LDLRAD4: variants seen among roughly 807,000 people sequenced by gnomAD.
The protein encoded by LDLRAD4 is low density lipoprotein receptor class A domain containing 4.
Under a neutral mutation model 17.0 loss-of-function variants are expected in LDLRAD4, and 5 were observed. The ratio of observed to expected loss-of-function variants is 0.29; its 90% CI spans 0.15 to 0.62. The LOEUF (loss-of-function observed/expected upper bound fraction) is 0.62, where lower values mean the gene tolerates loss of function less well. LDLRAD4 is among the 20% of genes least tolerant of loss of function. The pLI, the probability that LDLRAD4 is intolerant of heterozygous loss-of-function variation, is 0.84. For missense variants in LDLRAD4, 340 were observed against 424.7 expected, an observed-to-expected ratio of 0.80 and a Z score of 1.75; for synonymous variants, 168 against 171.8, an observed-to-expected ratio of 0.98 and a Z score of 0.17.
intron 1 of LDLRAD4, among the ~76,000 whole-genome samples, chr18:13,346,427 CTG>C (rs2082692136): frequency 6.6e-6 from 1 of 152,154 alleles, no homozygotes; most frequent in Non-Finnish European, 1.5e-5. Flanking sequence ...TTTGATTGCA[CTG>C]TGGTCTGAGA....
At chr18:13,445,490 TGTG>T (rs2091328315) in intron 3 of LDLRAD4, among the ~76,000 whole-genome samples, 1 of 151,970 alleles carries the variant, frequency 6.6e-6, no homozygotes, top group South Asian at 2.1e-4. Context: ...AGGGTGAGTC[TGTG>T]GTGCGTTTGT....
chr18:13,565,250 A>C (rs8096821), intron 3 of LDLRAD4, among the ~76,000 whole-genome samples: 4 of 152,038 alleles, frequency 2.6e-5, no homozygotes, highest in African/African-American at 9.7e-5. Context: ...AGGGTTGGCC[A>C]GGGGTGTCCA....
chr18:13,265,209 G>A (rs9955356), intron 1 of LDLRAD4, among the ~76,000 whole-genome samples: 1,983 of 152,192 alleles, frequency 0.013, 44 homozygotes, highest in African/African-American at 0.046. Flanking sequence ...AGCCTCTGCC[G>A]TCTCTCCCCT....
At chr18:13,254,237 A>G (rs2043382488) in intron 1 of LDLRAD4, among the ~76,000 whole-genome samples, 1 of 152,236 alleles carries the variant, frequency 6.6e-6, no homozygotes, top group Non-Finnish European at 1.5e-5. Context: ...CAGGGGAGGC[A>G]GGGAGCTTTT....
upstream of LDLRAD4, chr18:13,217,742 G>GAGGC (rs2041240180): frequency 6.6e-6 from 1 of 151,144 alleles, no homozygotes; most frequent in Non-Finnish European, 1.5e-5. This position sits in a 1 kb window ranked among gnomAD's most constrained non-coding sequence, Gnocchi z 4.9. Flanking sequence ...TCCCCGCGCT[G>GAGGC]AGGCTGCGGA....
intron 2 of LDLRAD4, among the ~76,000 whole-genome samples, chr18:13,412,345 AG>A (rs1338336757): frequency 3.3e-5 from 5 of 152,202 alleles, no homozygotes; most frequent in Non-Finnish European, 7.3e-5. Context: ...CAGCTCTTAA[AG>A]TATCCTTATC....
chr18:13,586,225 T>C (rs949531112), intron 3 of LDLRAD4, among the ~76,000 whole-genome samples: 2 of 151,786 alleles, frequency 1.3e-5, no homozygotes, highest in African/African-American at 4.8e-5. Context: ...CTGGCCAACA[T>C]GGCAAAACCC....
upstream of LDLRAD4, among the ~76,000 whole-genome samples, chr18:13,276,933 C>A (rs935141215): frequency 6.6e-6 from 1 of 152,074 alleles, no homozygotes; most frequent in Admixed American, 6.5e-5. Context: ...TGAGCGTTTG[C>A]GTCCTAGGAA....
At chr18:13,488,382 C>G (rs375232932) in intron 3 of LDLRAD4, 1 of 152,142 alleles carries the variant, frequency 6.6e-6, no homozygotes, top group African/African-American at 2.4e-5. Context: ...GATGAGGTGG[C>G]GGCATACAAG....
At chr18:13,251,390 GAGAA>G (rs1259031046) in intron 1 of LDLRAD4, among the ~76,000 whole-genome samples, 2 of 152,176 alleles carry the variant, frequency 1.3e-5, no homozygotes, top group Non-Finnish European at 2.9e-5. Flanking sequence ...AGTCAGGCAA[GAGAA>G]AGAAAGGACA....
At chr18:13,345,123 A>C (rs1476084979) in intron 1 of LDLRAD4, among the ~76,000 whole-genome samples, 2 of 152,114 alleles carry the variant, frequency 1.3e-5, no homozygotes, top group Non-Finnish European at 2.9e-5. Context: ...ACTATGTTGA[A>C]TAGGAGTGGT....
At chr18:13,477,307 G>A (rs534831623) in intron 3 of LDLRAD4, among the ~76,000 whole-genome samples, 2 of 152,298 alleles carry the variant, frequency 1.3e-5, no homozygotes, top group East Asian at 3.9e-4. Context: ...AGAAGAACAA[G>A]GAAGGAGGTC....
chr18:13,523,100 G>A (rs918615559), intron 3 of LDLRAD4, among the ~76,000 whole-genome samples: 19 of 152,144 alleles, frequency 1.2e-4, no homozygotes, highest in East Asian at 7.7e-4. Context: ...CACTGTGTGC[G>A]AGGCAGACTC....
At chr18:13,350,238 T>A (rs117189054) in intron 1 of LDLRAD4, among the ~76,000 whole-genome samples, 2,695 of 152,300 alleles carry the variant, frequency 0.018, 33 homozygotes, top group Non-Finnish European at 0.028. Context: ...CTAATTTACA[T>A]TTCTACCATC....
chr18:13,240,324 T>A (rs1480544818), intron 1 of LDLRAD4: 1 of 152,286 alleles, frequency 6.6e-6, no homozygotes, highest in Non-Finnish European at 1.5e-5. Context: ...AGAGCCCCGA[T>A]GTCCCCGTGA....
intron 3 of LDLRAD4, among the ~76,000 whole-genome samples, chr18:13,537,824 G>A (rs1011897833): frequency 1.2e-4 from 18 of 152,128 alleles, no homozygotes; most frequent in Non-Finnish European, 2.4e-4. Context: ...AAGAGAAAAA[G>A]GGAGATATTT....
chr18:13,231,797 C>T (rs2042092039), intron 1 of LDLRAD4, among the ~76,000 whole-genome samples: 1 of 152,184 alleles, frequency 6.6e-6, no homozygotes, highest in Non-Finnish European at 1.5e-5. Flanking sequence ...ATGAAATGTA[C>T]ATAGAAGTAT....
intron 3 of LDLRAD4, among the ~76,000 whole-genome samples, chr18:13,534,087 T>G (rs2094168059): frequency 6.6e-6 from 1 of 152,210 alleles, no homozygotes; most frequent in South Asian, 2.1e-4. Context: ...CATATCCTTC[T>G]CACTTCTGCC....
chr18:13,446,818 C>T (rs1337520151), intron 3 of LDLRAD4, among the ~76,000 whole-genome samples: 3 of 152,250 alleles, frequency 2.0e-5, no homozygotes, highest in Admixed American at 2.0e-4. Flanking sequence ...GCCTCTGATC[C>T]CCAGTTTCCC....
Sources: gnomAD v4.1 joint callset for allele counts (sites outside exome capture counted in the v4.1 genomes callset) on GRCh38, gnomAD v4.1.1 for gene constraint, Gnocchi (gnomAD v3.1) non-coding constraint, MANE v1.5 for transcripts, NCBI Gene and HGNC (gene_info 2026-07-23, HGNC 2026-07-21) for gene names.